Variants in GASK1A observed in about 807,000 individuals in gnomAD.
The protein encoded by GASK1A is Golgi-associated kinase 1A.
GASK1A carries 40 observed loss-of-function variants against 41.2 expected under a neutral mutation model. That is an observed-to-expected ratio of 0.97 (90% CI 0.75 to 1.27). The LOEUF (loss-of-function observed/expected upper bound fraction) is 1.27. Ranked by LOEUF, GASK1A falls within the 50% of genes most tolerant of loss-of-function variation. GASK1A has a pLI of 0.00. For synonymous variants in GASK1A, 316 were observed against 307.1 expected (o/e 1.03, Z -0.30); for missense variants, 678 against 745.1 (o/e 0.91, Z 1.05).
chr3:43,000,987 TGGA>T (rs1403865210), intron 1 of GASK1A, among the ~76,000 whole-genome samples: 5 of 152,292 alleles, frequency 3.3e-5, no homozygotes, highest in Non-Finnish European at 5.9e-5. Flanking sequence ...CATGAACTGG[TGGA>T]GATGCCTGGG....
At chr3:43,037,837 T>C (rs1207945190) in intron 2 of GASK1A, among the ~76,000 whole-genome samples, 1 of 152,228 alleles carries the variant, frequency 6.6e-6, no homozygotes, top group African/African-American at 2.4e-5. Context: ...TTTGGCACCA[T>C]ATGTATGCCA....
chr3:43,002,269 C>T (rs890384190), intron 1 of GASK1A, among the ~76,000 whole-genome samples: 1 of 152,124 alleles, frequency 6.6e-6, no homozygotes, highest in Non-Finnish European at 1.5e-5. Context: ...CAGCATGTGT[C>T]CTAAGGCTGG....
At position 43,056,230 on chromosome 3, in the gene GASK1A, G is replaced by T; in HGVS notation, c.1572G>T (p.Leu524=). The change falls in exon 5 of 5, where the codon CTG becomes CTT. Residue 524 remains leucine, a synonymous_variant. Transcript: ENST00000430121. The stretch of plus-strand genomic sequence containing the variant: ...CATCAGGGTGTCTACAGAACATGCT[G>T]CTGAAGTCGCTGCAGATGGACCCAG... ...VLASGCLQNM[L]LKSLQMDPVF... is the part of the protein sequence containing the mutation. 6.4e-7 allele frequency: 1 copy of T among 1,551,768 alleles called. No homozygotes were observed. Among genetic ancestry groups the T allele is most frequent in the Non-Finnish European group, 8.7e-7 (1 of 1,147,008 alleles).
chr3:43,034,378 G>A (rs1208847445), intron 2 of GASK1A, among the ~76,000 whole-genome samples: 1 of 152,200 alleles, frequency 6.6e-6, no homozygotes, highest in Non-Finnish European at 1.5e-5. Flanking sequence ...GGGTACACGG[G>A]CTGACTGGGG....
chr3:43,015,204 G>C (rs1559400980), intron 1 of GASK1A, among the ~76,000 whole-genome samples: 1 of 149,532 alleles, frequency 6.7e-6, no homozygotes, highest in South Asian at 2.1e-4. Flanking sequence ...GGGAGGGGCA[G>C]TATGACATCA....
chr3:43,050,058 A>AG (rs2089681930), intron 2 of GASK1A, among the ~76,000 whole-genome samples: 2 of 151,436 alleles, frequency 1.3e-5, no homozygotes, highest in Non-Finnish European at 2.9e-5. Flanking sequence ...GTCCAGAACA[A>AG]AAAAAAATAC....
At chr3:43,022,732 G>A (rs754811847) in intron 1 of GASK1A, among the ~76,000 whole-genome samples, 4 of 152,168 alleles carry the variant, frequency 2.6e-5, no homozygotes, top group East Asian at 3.9e-4. Context: ...AAGGAGTGGG[G>A]CCCAACAACT....
intron 2 of GASK1A, among the ~76,000 whole-genome samples, chr3:43,040,252 C>T (rs1559406444): frequency 7.3e-6 from 1 of 136,314 alleles, no homozygotes. Context: ...ATCAATCTTT[C>T]CCTCAACTTG....
At chr3:43,041,411 G>A (rs1158864788) in intron 2 of GASK1A, among the ~76,000 whole-genome samples, 1 of 152,138 alleles carries the variant, frequency 6.6e-6, no homozygotes, top group Non-Finnish European at 1.5e-5. Flanking sequence ...TTTAATGATT[G>A]CCATTCTAAC....
At chr3:43,004,768 T>TA (rs2089427679) in intron 1 of GASK1A, among the ~76,000 whole-genome samples, 1 of 152,222 alleles carries the variant, frequency 6.6e-6, no homozygotes, top group African/African-American at 2.4e-5. Context: ...TATGACTACT[T>TA]AAAACCTACT....
chr3:42,979,691 A>G, intron 1 of GASK1A, 46 bp downstream of exon 1: 2 of 1,245,456 alleles, frequency 1.6e-6, no homozygotes, highest in Non-Finnish European at 2.0e-6. Flanking sequence ...TGGGGCGATC[A>G]CCAGGACAGG....
intron 2 of GASK1A, among the ~76,000 whole-genome samples, chr3:43,050,019 T>C (rs1410276985): frequency 6.7e-6 from 1 of 149,330 alleles, no homozygotes; most frequent in Non-Finnish European, 1.5e-5. Context: ...CAGCAGTTTT[T>C]TTTTTTAAAT....
chr3:43,010,522 CT>C (rs1244128454), intron 1 of GASK1A, among the ~76,000 whole-genome samples: 1 of 152,208 alleles, frequency 6.6e-6, no homozygotes, highest in Non-Finnish European at 1.5e-5. Flanking sequence ...TGGCTGAGGC[CT>C]TTGCTGAAAC....
At chr3:43,019,513 T>C (rs934987801) in intron 1 of GASK1A, among the ~76,000 whole-genome samples, 2 of 152,206 alleles carry the variant, frequency 1.3e-5, no homozygotes, top group South Asian at 2.1e-4. Context: ...AATCCAGCCC[T>C]CTGAAAAAGT....
rs1029948598 is a variant in GASK1A, at chr3:42,979,528, C to G, written c.-115C>G. On this transcript the variant is annotated 5_prime_UTR_variant, in exon 1 of 5. Transcript: ENST00000430121. Reference sequence around the variant, plus strand: ...GGGAAACCCGCCCCAGCCGAGTAGCCGCGCATCCTGGGAAGCCTGGCGAGC... The same window carrying G: ...GGGAAACCCGCCCCAGCCGAGTAGCGGCGCATCCTGGGAAGCCTGGCGAGC... The G allele has an allele frequency of 3.5e-6, 4 of 1,136,272 alleles. No homozygotes were observed. In the African/African-American group the frequency reaches 6.4e-5, roughly 18 times the overall value. 70.4% of individuals were successfully genotyped at this position (1,136,272 alleles called of 1,614,324 possible).
chr3:43,016,043 G>C (rs930883212), intron 1 of GASK1A, among the ~76,000 whole-genome samples: 3 of 151,926 alleles, frequency 2.0e-5, no homozygotes, highest in African/African-American at 7.3e-5. Context: ...ACAGGGAGGG[G>C]CTCTGTGAAG....
chr3:43,024,870 A>G (rs771089579), intron 1 of GASK1A, among the ~76,000 whole-genome samples: 2 of 152,178 alleles, frequency 1.3e-5, no homozygotes, highest in Non-Finnish European at 2.9e-5. Context: ...TGTGCTTGGG[A>G]AGGAACAGTG....
chr3:43,000,996 C>G (rs879773940), intron 1 of GASK1A, among the ~76,000 whole-genome samples: 1 of 152,152 alleles, frequency 6.6e-6, no homozygotes, highest in Admixed American at 6.5e-5. Context: ...GTGGAGATGC[C>G]TGGGTGCCTG....
In GASK1A at chr3:42,979,320, ACT is replaced by A. The variant is rs1363626182; in HGVS notation, c.-320_-319del. 6.0e-6 allele frequency: 2 copies of A among 331,102 alleles called. No individual in the cohort carries two copies. Among genetic ancestry groups the A allele is most frequent in the East Asian group, 4.4e-5 (1 of 22,566 alleles). The allele number at this position is 331,102 out of a possible 1,614,324, so 20.5% of individuals were successfully genotyped here. A position where few individuals can be genotyped will look rare whatever the true frequency, so the allele number is the denominator to read the frequency against. On this transcript the variant is annotated 5_prime_UTR_variant, in exon 1 of 5. Transcript: ENST00000430121. ...GGGACGCGCGGCAGGGACTTTGCAA[ACT>A]CTGCAAAAGTCCCGAGTAGACCGCA... is the stretch of plus-strand genomic sequence containing the variant.
Sources: gnomAD v4.1 joint callset for allele counts (sites outside exome capture counted in the v4.1 genomes callset) on GRCh38, gnomAD v4.1.1 for gene constraint, MANE v1.5 for transcripts, NCBI Gene and HGNC (gene_info 2026-07-23, HGNC 2026-07-21) for gene names.